SOX6: variants seen among roughly 807,000 people sequenced by gnomAD.
SOX6 encodes the protein SRY-box transcription factor 6.
SOX6 carries 11 observed loss-of-function variants against 97.8 expected under a neutral mutation model. That is an observed-to-expected ratio of 0.11 (90% CI 0.07 to 0.19). SOX6 has a LOEUF of 0.19. Ranked by LOEUF, SOX6 falls within the 10% of genes least tolerant of loss-of-function variation. The pLI, the probability that SOX6 is intolerant of heterozygous loss-of-function variation, is 1.00. For missense variants in SOX6, 810 were observed against 1,039.5 expected (o/e 0.78, Z 3.04); for synonymous variants, 360 against 371.4 (o/e 0.97, Z 0.35).
At chr11:16,247,180 CTTAT>C (rs1307571088) in intron 3 of SOX6, among the ~76,000 whole-genome samples, 1 of 152,092 alleles carries the variant, frequency 6.6e-6, no homozygotes, top group Non-Finnish European at 1.5e-5. Flanking sequence ...CTGTGACTGG[CTTAT>C]TTTTCTTAAC....
intron 4 of SOX6, among the ~76,000 whole-genome samples, chr11:16,508,805 T>C (rs991077644): frequency 9.2e-5 from 14 of 152,058 alleles, no homozygotes; most frequent in African/African-American, 3.4e-4. Flanking sequence ...CAACAATGTA[T>C]TATATCAAAA....
Position 16,015,019 on chromosome 11 carries a change from T to C in SOX6, c.1655A>G (p.Gln552Arg), listed in dbSNP as rs1230603020. 2 of 1,612,842 alleles carry C rather than the reference T, an allele frequency of 1.2e-6. No individual in the cohort carries two copies. The highest frequency in any genetic ancestry group is 1.3e-5 in the African/African-American group (1 of 74,836). Residue 552 changes from glutamine (Q) to arginine (R), a missense_variant, in exon 13 of 16, where the codon CAG (glutamine) becomes CGG (arginine). Around this residue, in one of 9 missense-constraint regions of SOX6, gnomAD observed 120 missense variants for 127.0 expected, o/e 0.94. Transcript: ENST00000683767. The stretch of plus-strand genomic sequence containing the variant: ...ATCTTCATTTGACTTTCCCGTTAAC[T>C]GGGGCCCCAAATTCTCAAAGCGCGT... ...ERTRFENLGP[Q>R]LTGKSNEDGK... is the part of the protein sequence containing the mutation.
intron 3 of SOX6, among the ~76,000 whole-genome samples, chr11:16,273,763 C>T (rs1343423092): frequency 6.6e-6 from 1 of 151,982 alleles, no homozygotes; most frequent in Non-Finnish European, 1.5e-5. Context: ...TTTGGGAATA[C>T]TACACTCCTA....
intron 4 of SOX6, among the ~76,000 whole-genome samples, chr11:16,557,003 C>G (rs1278999710): frequency 6.6e-6 from 1 of 151,752 alleles, no homozygotes; most frequent in Non-Finnish European, 1.5e-5. Context: ...AGTTAAATGT[C>G]TTCCAAGCTT....
intron 3 of SOX6, among the ~76,000 whole-genome samples, chr11:16,304,082 A>AT (rs1321509312): frequency 1.3e-5 from 2 of 151,872 alleles, no homozygotes; most frequent in Non-Finnish European, 2.9e-5. Flanking sequence ...TGCCCTGTTA[A>AT]TTTTTGTATT....
chr11:16,306,889 G>T (rs1270486956), intron 3 of SOX6, among the ~76,000 whole-genome samples: 1 of 152,064 alleles, frequency 6.6e-6, no homozygotes, highest in Admixed American at 6.6e-5. Context: ...CTCCCAAAGT[G>T]CTGGGCTTAC....
At chr11:16,044,035 A>G (rs991237306) in intron 12 of SOX6, among the ~76,000 whole-genome samples, 5 of 152,128 alleles carry the variant, frequency 3.3e-5, no homozygotes, top group African/African-American at 1.2e-4. Context: ...CTCCCTCTGC[A>G]CAGTCCTGGG....
chr11:16,373,866 AGGAAGGAAGGAAGGAAGGAAGGG>A (rs1857568459), intron 1 of SOX6, among the ~76,000 whole-genome samples: 2 of 22,482 alleles, frequency 8.9e-5, no homozygotes, highest in Non-Finnish European at 1.4e-4. Flanking sequence ...GAAGGAAGGA[AGGAAGGAAGGAAGGAAGGAAGGG>A]AGGGAGGGAG....
chr11:16,185,585 G>A (rs1459749385), intron 5 of SOX6, among the ~76,000 whole-genome samples: 1 of 152,100 alleles, frequency 6.6e-6, no homozygotes, highest in Admixed American at 6.6e-5. Flanking sequence ...CTACATGCTC[G>A]CTTCATTGAG....
chr11:16,735,587 G>C (rs1286230313), intron 2 of SOX6, among the ~76,000 whole-genome samples: 2 of 152,126 alleles, frequency 1.3e-5, no homozygotes, highest in Admixed American at 1.3e-4. Flanking sequence ...TTGGCACAGT[G>C]GAAAGTGCAC....
intron 3 of SOX6, among the ~76,000 whole-genome samples, chr11:16,294,511 C>A (rs905400067): frequency 3.9e-5 from 6 of 151,972 alleles, no homozygotes; most frequent in African/African-American, 1.2e-4. Flanking sequence ...CTCAAATCAT[C>A]CTACATTAAG....
At chr11:16,682,043 GC>G (rs1847932506) in intron 3 of SOX6, among the ~76,000 whole-genome samples, 5 of 152,344 alleles carry the variant, frequency 3.3e-5, no homozygotes, top group Admixed American at 2.6e-4. Flanking sequence ...ACAAAGAGGA[GC>G]TGGTACCATT....
At chr11:16,316,494 T>C (rs1590118584) in intron 3 of SOX6, 1 of 151,934 alleles carries the variant, frequency 6.6e-6, no homozygotes, top group African/African-American at 2.4e-5. Flanking sequence ...AGAAATACAG[T>C]AATAAATGAC....
chr11:16,112,171 T>C (rs1047876767), intron 6 of SOX6, among the ~76,000 whole-genome samples: 2 of 152,202 alleles, frequency 1.3e-5, no homozygotes, highest in Admixed American at 6.5e-5. Context: ...CTGTAGTTAA[T>C]GGTTTTCTTT....
At chr11:16,298,067 G>C (rs1265575870) in intron 3 of SOX6, among the ~76,000 whole-genome samples, 1 of 152,064 alleles carries the variant, frequency 6.6e-6, no homozygotes, top group Non-Finnish European at 1.5e-5. Context: ...GTCTTAAAGG[G>C]AATAAAATAC....
intron 12 of SOX6, among the ~76,000 whole-genome samples, chr11:16,022,189 T>C (rs1855078607): frequency 6.6e-6 from 1 of 152,158 alleles, no homozygotes; most frequent in African/African-American, 2.4e-5. Flanking sequence ...TTAAAGATAT[T>C]ACTTAATGTT....
intron 6 of SOX6, among the ~76,000 whole-genome samples, chr11:16,162,943 G>A (rs1850790234): frequency 6.6e-6 from 1 of 151,942 alleles, no homozygotes; most frequent in South Asian, 2.1e-4. Context: ...AGAAAAGTGA[G>A]AAGAAAGAGG....
intron 9 of SOX6, among the ~76,000 whole-genome samples, chr11:16,056,977 C>T (rs1326471279): frequency 6.6e-6 from 1 of 152,030 alleles, no homozygotes. Context: ...AAAACAACAA[C>T]AACAAAAAGA....
At chr11:16,337,467 G>A (rs1480488580) in intron 2 of SOX6, among the ~76,000 whole-genome samples, 1 of 151,946 alleles carries the variant, frequency 6.6e-6, no homozygotes, top group African/African-American at 2.4e-5. Flanking sequence ...ATAATATCCT[G>A]TACATTTTTC....
Sources: gnomAD v4.1 joint callset for allele counts (sites outside exome capture counted in the v4.1 genomes callset) on GRCh38, gnomAD v4.1.1 for gene constraint, gnomAD v4.1.1 regional missense constraint, MANE v1.5 for transcripts, NCBI Gene and HGNC (gene_info 2026-07-23, HGNC 2026-07-21) for gene names.